Variants in MDGA2 observed in about 807,000 individuals in gnomAD.
MDGA2 encodes MAM domain-containing glycosylphosphatidylinositol anchor protein 2.
Under a neutral mutation model 117.8 loss-of-function variants are expected in MDGA2, and 40 were observed. The ratio of observed to expected loss-of-function variants is 0.34; its 90% confidence interval spans 0.26 to 0.44. MDGA2 has a LOEUF of 0.44. MDGA2 is among the 20% of genes least tolerant of loss of function. MDGA2 has a pLI of 1.00. For synonymous variants in MDGA2, 452 were observed against 439.0 expected, an observed-to-expected ratio of 1.03 and a Z score of -0.37; for missense variants, 1,123 against 1,250.6, an observed-to-expected ratio of 0.90 and a Z score of 1.54.
At chr14:47,160,122 CACA>C (rs1386203579) in intron 3 of MDGA2, among the ~76,000 whole-genome samples, 6 of 152,126 alleles carry the variant, frequency 3.9e-5, no homozygotes, top group African/African-American at 1.4e-4. Context: ...CTCATTCTTC[CACA>C]ACGAGTTGAA....
intron 14 of MDGA2, chr14:46,871,173 C>CT (rs1345956084): frequency 6.6e-6 from 1 of 151,920 alleles, no homozygotes; most frequent in Non-Finnish European, 1.5e-5. Context: ...TTCATTGGTT[C>CT]TTTAAGTGAT....
intron 5 of MDGA2, among the ~76,000 whole-genome samples, chr14:47,105,962 G>A (rs1010972824): frequency 0.013 from 299 of 23,510 alleles, no homozygotes; most frequent in African/African-American, 0.046. Flanking sequence ...TTACAGTTTC[G>A]TTCCGTGACT....
At chr14:47,182,952 G>A (rs1566669957) in intron 3 of MDGA2, among the ~76,000 whole-genome samples, 1 of 151,890 alleles carries the variant, frequency 6.6e-6, no homozygotes, top group Non-Finnish European at 1.5e-5. Flanking sequence ...TTCACTACAT[G>A]ATTTTAGCTT....
At chr14:47,152,316 GT>G (rs1482188919) in intron 3 of MDGA2, among the ~76,000 whole-genome samples, 1 of 151,978 alleles carries the variant, frequency 6.6e-6, no homozygotes, top group East Asian at 1.9e-4. Context: ...ATTTTTTTGA[GT>G]TTCTATTAAT....
chr14:47,544,398 T>C (rs1955807), intron 1 of MDGA2, among the ~76,000 whole-genome samples: 119,548 of 152,090 alleles, frequency 0.79, 47,291 homozygotes, highest in East Asian at 1. Context: ...TTTTTTTAAT[T>C]GCCAGGAAAG....
chr14:47,603,229 T>C (rs373521493), intron 1 of MDGA2, among the ~76,000 whole-genome samples: 2 of 152,206 alleles, frequency 1.3e-5, no homozygotes, highest in South Asian at 4.1e-4. Context: ...GAATCCTAAT[T>C]TTTCCTGTCT....
intron 6 of MDGA2, among the ~76,000 whole-genome samples, chr14:47,067,886 T>C (rs1477483753): frequency 6.6e-6 from 1 of 152,204 alleles, no homozygotes; most frequent in Non-Finnish European, 1.5e-5. Flanking sequence ...GGAGGTCTTT[T>C]AAATTTTTTT....
At chr14:47,161,176 T>A (rs1883618109) in intron 3 of MDGA2, among the ~76,000 whole-genome samples, 1 of 152,154 alleles carries the variant, frequency 6.6e-6, no homozygotes, top group Non-Finnish European at 1.5e-5. Context: ...CTGTACTAAT[T>A]TACTTAATTT....
intron 1 of MDGA2, among the ~76,000 whole-genome samples, chr14:47,404,426 T>C (rs1341812709): frequency 1.3e-5 from 2 of 151,864 alleles, no homozygotes; most frequent in Non-Finnish European, 2.9e-5. Context: ...CCTCAAGTGA[T>C]CCGCCTGCCT....
At chr14:47,361,460 A>G (rs1240071944) in intron 1 of MDGA2, among the ~76,000 whole-genome samples, 1 of 152,120 alleles carries the variant, frequency 6.6e-6, no homozygotes, top group Non-Finnish European at 1.5e-5. Flanking sequence ...TGGCAGCTCC[A>G]GCAAACTACT....
Position 47,581,862 on chromosome 14 carries a change from G to A in MDGA2, c.280+92655C>T, listed in dbSNP as rs1267604910. On this transcript the variant is annotated intron_variant, in intron 1 of 16. Transcript: ENST00000399232. The stretch of plus-strand genomic sequence containing the variant: ...CATATAACCTGGCTAATACACACTG[G>A]GTTTCAAAAATTATTTTACATAGCT... 7.2e-5 allele frequency among the ~76,000 whole-genome samples: 11 copies of A among 151,810 alleles called. No homozygotes were observed. The East Asian group carries it at 2.1e-3, about 29-fold the overall frequency.
At chr14:47,312,927 C>CATAT (rs10672253) in intron 1 of MDGA2, among the ~76,000 whole-genome samples, 28,262 of 146,306 alleles carry the variant, frequency 0.19, 3,111 homozygotes, top group East Asian at 0.52. Flanking sequence ...TATATATATA[C>CATAT]ATATATATAT....
chr14:47,301,662 A>T, intron 1 of MDGA2, 112 bp from the exon 2 acceptor site: 1 of 1,125,950 alleles, frequency 8.9e-7, no homozygotes, highest in Non-Finnish European at 1.3e-6. Context: ...CCATAGTCAG[A>T]TTAGTCAGAT....
At chr14:47,596,020 T>C (rs1428914018) in intron 1 of MDGA2, among the ~76,000 whole-genome samples, 1 of 152,126 alleles carries the variant, frequency 6.6e-6, no homozygotes, top group Non-Finnish European at 1.5e-5. Flanking sequence ...TTCTGGAAAG[T>C]AGGTAAGTTG....
chr14:47,458,367 A>G (rs1410040180), intron 1 of MDGA2, among the ~76,000 whole-genome samples: 2 of 152,148 alleles, frequency 1.3e-5, no homozygotes, highest in Non-Finnish European at 2.9e-5. Context: ...GACCAATATC[A>G]AGCAGTTTTC....
intron 1 of MDGA2, among the ~76,000 whole-genome samples, chr14:47,307,219 A>G (rs998946421): frequency 8.5e-5 from 13 of 152,124 alleles, no homozygotes; most frequent in African/African-American, 3.1e-4. Flanking sequence ...CTGGTTTAAT[A>G]TATTACATGA....
intron 1 of MDGA2, among the ~76,000 whole-genome samples, chr14:47,422,214 T>C: frequency 6.6e-6 from 1 of 152,218 alleles, no homozygotes; most frequent in Non-Finnish European, 1.5e-5. Context: ...AGTTTATTCA[T>C]GAGCAAACTC....
chr14:47,610,363 G>A (rs1484092014), intron 1 of MDGA2, among the ~76,000 whole-genome samples: 1 of 152,010 alleles, frequency 6.6e-6, no homozygotes, highest in African/African-American at 2.4e-5. Flanking sequence ...TGGTAAAGAG[G>A]AAGTCAAACT....
At chr14:47,510,944 T>A (rs1223869855) in intron 1 of MDGA2, among the ~76,000 whole-genome samples, 2 of 152,228 alleles carry the variant, frequency 1.3e-5, no homozygotes, top group Non-Finnish European at 2.9e-5. Context: ...CCTCATTAAG[T>A]ATCTTGGCAA....
Sources: gnomAD v4.1 joint callset for allele counts (sites outside exome capture counted in the v4.1 genomes callset) on GRCh38, gnomAD v4.1.1 for gene constraint, MANE v1.5 for transcripts, NCBI Gene and HGNC (gene_info 2026-07-23, HGNC 2026-07-21) for gene names.